SPPL2B: variants seen among roughly 807,000 people sequenced by gnomAD.
SPPL2B encodes signal peptide peptidase-like 2B.
In SPPL2B, 39 loss-of-function variants were observed where a neutral mutation model predicts 59.7. That is an observed-to-expected ratio of 0.65 (90% CI 0.51 to 0.85). The LOEUF (loss-of-function observed/expected upper bound fraction) is 0.85, where lower values mean the gene tolerates loss of function less well. Ranked by LOEUF, SPPL2B falls within the 40% of genes least tolerant of loss-of-function variation. The pLI is 0.00. For missense variants in SPPL2B, 865 were observed against 849.0 expected (o/e 1.02, Z -0.23); for synonymous variants, 419 against 370.8 (o/e 1.13, Z -1.49).
At chr19:2,335,385 A>T (rs1176605688) in intron 2 of SPPL2B, among the ~76,000 whole-genome samples, 1 of 118,470 alleles carries the variant, frequency 8.4e-6, no homozygotes, top group African/African-American at 3.4e-5. Context: ...TGCATCCTTC[A>T]GGCCCCGCCT....
At chr19:2,351,111 C>G (rs1290941456) in intron 13 of SPPL2B, among the ~76,000 whole-genome samples, 1 of 152,176 alleles carries the variant, frequency 6.6e-6, no homozygotes, top group Non-Finnish European at 1.5e-5. Flanking sequence ...CTCGCAGCCC[C>G]CTCCGCTATC....
rs3746285 is a variant in SPPL2B, at chr19:2,339,950, T to C, written c.726T>C (p.Tyr242=). 1,128,653 of 1,555,816 alleles carry C rather than the reference T, an allele frequency of 0.73. 415,125 individuals are homozygous for C. The highest frequency in any genetic ancestry group is 0.79 in the African/African-American group (58,063 of 73,360). The part of the protein sequence containing the change: ...MCCSMLVLLY[Y]FYDLLVYVVI... Reference sequence around the variant, plus strand: ...GCTCCATGCTGGTGCTGCTCTACTATTTCTACGATCTCCTCGGTGCGCGGC... The same window carrying C: ...GCTCCATGCTGGTGCTGCTCTACTACTTCTACGATCTCCTCGGTGCGCGGC... The change falls in exon 6 of 15, where the codon TAT becomes TAC. Residue 242 remains tyrosine, a synonymous_variant. Coordinates refer to ENST00000613503, the MANE Select transcript of SPPL2B (RefSeq NM_152988.3).
Position 2,337,565 on chromosome 19 carries a change from A to G in SPPL2B, c.309A>G (p.Lys103=). Residue 103 remains lysine (K), a synonymous_variant, in exon 3 of 15, where the codon AAA becomes AAG. Transcript: ENST00000613503. ...VARGNCTFYE[K]VRLAQGSGAR... ...GGGGGAACTGCACCTTCTATGAGAA[A>G]GTGAGGCTGGCCCAGGGCAGCGGAG... The G allele has an allele frequency of 6.2e-6, 10 of 1,611,426 alleles. No homozygotes were observed. The highest frequency in any genetic ancestry group is 8.5e-6 in the Non-Finnish European group (10 of 1,179,256).
At chr19:2,336,290 A>ATG (rs56009823) in intron 2 of SPPL2B, among the ~76,000 whole-genome samples, 148,180 of 152,304 alleles carry the variant, frequency 0.97, 72,103 homozygotes, top group African/African-American at 0.99. Flanking sequence ...GTGTGTCTGT[A>ATG]TGTGTGCAGG....
chr19:2,342,881 C>T (rs1051264370), intron 8 of SPPL2B: 6 of 294,270 alleles, frequency 2.0e-5, no homozygotes, highest in East Asian at 2.0e-4. Flanking sequence ...CCGTGTCCAC[C>T]GTCCTGGCCC....
chr19:2,338,495 G>A (rs891642146), intron 3 of SPPL2B: 6 of 443,656 alleles, frequency 1.4e-5, no homozygotes, highest in South Asian at 6.1e-5. Context: ...TCCCACGGCC[G>A]AGGGAGGGAT....
At position 2,349,104 on chromosome 19, in the gene SPPL2B, T is replaced by C. The variant is rs796965681; in HGVS notation, c.1355-2330T>C. ...CACACACACTCGCGTTCTCATTCGCTTGATTCCATTCTCTCCCTCCACACA... is the reference window on the plus strand; with the variant it reads ...CACACACACTCGCGTTCTCATTCGCCTGATTCCATTCTCTCCCTCCACACA... On this transcript the variant is annotated intron_variant, in intron 13 of 14. Coordinates refer to ENST00000613503, the MANE Select transcript of SPPL2B (RefSeq NM_152988.3). Among the ~76,000 whole-genome samples, 14 of 19,016 alleles carry C rather than the reference T, an allele frequency of 7.4e-4. 1 individual carries two copies. The South Asian group carries it at 0.011, about 15-fold the overall frequency. 12.5% of individuals were successfully genotyped at this position (19,016 alleles called of 152,430 possible).
chr19:2,344,810 C>T (rs1969275376), intron 12 of SPPL2B, among the ~76,000 whole-genome samples, 158 bp downstream of exon 12: 1 of 152,192 alleles, frequency 6.6e-6, no homozygotes, highest in African/African-American at 2.4e-5. Context: ...GCCTGGGTGC[C>T]TGGGCAGCGA....
In SPPL2B at chr19:2,340,105, G is replaced by T. The variant is rs768250522; in HGVS notation, c.772G>T (p.Ala258Ser). ...CGTGGTCATCGGGATCTTCTGCCTG[G>T]CCTCCGCCACCGGCCTCTACAGCTG... is the stretch of plus-strand genomic sequence containing the variant. ...VYVVIGIFCL[A>S]SATGLYSCLA... is the part of the protein sequence containing the mutation. The change falls in exon 7 of 15, where the codon GCC (alanine) becomes TCC (serine). Residue 258 changes from alanine to serine, a missense_variant. Physicochemically the swap from Ala to Ser is moderately conservative, Grantham distance 99. Transcript: ENST00000613503. 6.3e-7 allele frequency: 1 copy of T among 1,594,716 alleles called. No homozygotes were observed. The highest frequency in any genetic ancestry group is 1.1e-5 in the South Asian group (1 of 89,358).
At chr19:2,341,116 C>A (rs561218186) in intron 8 of SPPL2B, 102 bp downstream of exon 8, 2 of 817,054 alleles carry the variant, frequency 2.4e-6, no homozygotes, top group Non-Finnish European at 4.1e-6. Context: ...GCCGCCCCAG[C>A]CTGGAGCTGC....
intron 13 of SPPL2B, among the ~76,000 whole-genome samples, chr19:2,350,842 G>T (rs1451498772): frequency 1.3e-5 from 2 of 152,252 alleles, no homozygotes; most frequent in African/African-American, 4.8e-5. Flanking sequence ...TCCCCTGCGG[G>T]TGCCAAGGGT....
intron 2 of SPPL2B, among the ~76,000 whole-genome samples, chr19:2,336,699 T>C (rs549087695): frequency 6.7e-6 from 1 of 149,802 alleles, no homozygotes; most frequent in East Asian, 2.0e-4. Flanking sequence ...TGAGTGTGCA[T>C]GTGTGTGCTT....
At chr19:2,349,129 A>C (rs1273655288) in intron 13 of SPPL2B, among the ~76,000 whole-genome samples, 1 of 98,960 alleles carries the variant, frequency 1.0e-5, no homozygotes, top group Non-Finnish European at 2.0e-5. Context: ...CCCTCCACAC[A>C]CACTCGCGTT....
chr19:2,339,422 C>A (rs1968876611), intron 5 of SPPL2B, among the ~76,000 whole-genome samples: 1 of 152,184 alleles, frequency 6.6e-6, no homozygotes, highest in African/African-American at 2.4e-5. Flanking sequence ...GTGTGTAGGG[C>A]TGGGCAGGTG....
intron 4 of SPPL2B, 67 bp from the exon 5 acceptor site, chr19:2,339,002 A>T: frequency 6.6e-7 from 1 of 1,520,546 alleles, no homozygotes; most frequent in Non-Finnish European, 8.9e-7. Flanking sequence ...CACAGCCCAC[A>T]GCTGCACGTC....
In SPPL2B at chr19:2,329,772, A is replaced by T. The variant is rs118034773; in HGVS notation, c.66+997A>T. Among the ~76,000 whole-genome samples the T allele has an allele frequency of 8.1e-3, 1,240 of 152,320 alleles. 10 individuals are homozygous for T. The highest frequency in any genetic ancestry group is 0.014 in the Non-Finnish European group (955 of 68,024). ...GGGTGACCCTTTCAAAGTATGTCAG[A>T]CCGTGTCGCATCCAGATGAGTGCGC... On this transcript the variant is annotated intron_variant, in intron 1 of 14. Transcript: ENST00000613503.
Position 2,343,860 on chromosome 19 carries a change from T to G in SPPL2B, c.1039-105T>G, listed in dbSNP as rs1042294408. 3.5e-5 allele frequency: 29 copies of G among 833,820 alleles called. No individual in the cohort carries two copies. The African/African-American group carries it at 4.4e-4, about 13-fold the overall frequency. 51.7% of individuals were successfully genotyped at this position (833,820 alleles called of 1,614,324 possible). On this transcript the variant is annotated intron_variant, in intron 9 of 14. Transcript: ENST00000613503. ...TGGCACTGGGCACGCTCTGCTCAGG[T>G]TCCTTTAAAGGCTGCCTCCCAGGAG...
intron 13 of SPPL2B, among the ~76,000 whole-genome samples, chr19:2,347,160 C>T (rs1024742397): frequency 1.4e-4 from 21 of 150,498 alleles, no homozygotes; most frequent in Admixed American, 5.9e-4. Flanking sequence ...CACCTGATTC[C>T]GTTCTCTCTC....
chr19:2,349,804 TCTCA>T (rs1326888407), intron 13 of SPPL2B, among the ~76,000 whole-genome samples: 5 of 146,726 alleles, frequency 3.4e-5, no homozygotes, highest in Admixed American at 6.8e-5. Flanking sequence ...ACTCACGCGC[TCTCA>T]TTCGCTTGAC....
Sources: allele counts gnomAD v4.1 joint callset (sites outside exome capture counted in the v4.1 genomes callset), GRCh38; gene constraint gnomAD v4.1.1; transcripts MANE v1.5; gene names NCBI Gene and HGNC (gene_info 2026-07-23, HGNC 2026-07-21).